COL23A1: variants seen among roughly 807,000 people sequenced by gnomAD.
COL23A1 encodes the protein collagen type XXIII alpha 1 chain.
COL23A1 carries 97 observed loss-of-function variants against 99.3 expected under a neutral mutation model. The observed-to-expected ratio is 0.98, with a 90% CI of 0.83 to 1.16. The LOEUF is 1.16. Among genes scored for constraint, COL23A1 ranks in the 50% most tolerant of loss-of-function variants. COL23A1 has a pLI of 0.00. For missense variants in COL23A1, 762 were observed against 757.4 expected, an observed-to-expected ratio of 1.01 and a Z score of -0.07; for synonymous variants, 320 against 308.2, an observed-to-expected ratio of 1.04 and a Z score of -0.40.
intron 2 of COL23A1, among the ~76,000 whole-genome samples, chr5:178,558,513 C>A (rs1762396209): frequency 6.6e-6 from 1 of 152,112 alleles, no homozygotes; most frequent in Admixed American, 6.5e-5. Flanking sequence ...ATATTAATAG[C>A]CAAAACCAAA....
In COL23A1 at chr5:178,513,267, T is replaced by C. The variant is rs568418296; in HGVS notation, c.361+47415A>G. Among the ~76,000 whole-genome samples the C allele has an allele frequency of 2.8e-4, 42 of 152,308 alleles. No homozygotes were observed. In the South Asian group the frequency reaches 4.8e-3, roughly 17 times the overall value. On this transcript the variant is annotated intron_variant, in intron 2 of 28. Coordinates refer to ENST00000390654, the MANE Select transcript of COL23A1 (RefSeq NM_173465.4). ...CACTACCATGCACTGTGCCGAGTGC[T>C]GCCCCTTCTTAACTCACTTACATCC...
At chr5:178,291,190 G>C (rs1441815398) in intron 3 of COL23A1, among the ~76,000 whole-genome samples, 1 of 152,188 alleles carries the variant, frequency 6.6e-6, no homozygotes, top group Non-Finnish European at 1.5e-5. Flanking sequence ...TGCCAAACCA[G>C]ACCCCGAACC....
At position 178,509,244 on chromosome 5, in the gene COL23A1, C is replaced by T. The variant is rs551853674; in HGVS notation, c.361+51438G>A. ...TCTTTTTTTTTTGTTTTTCTCGAGA[C>T]AGAGTCTCACTCTGTTGCCCAGGCT... On this transcript the variant is annotated intron_variant, in intron 2 of 28. Coordinates refer to ENST00000390654, the MANE Select transcript of COL23A1 (RefSeq NM_173465.4). 2.4e-3 allele frequency among the ~76,000 whole-genome samples: 339 copies of T among 142,028 alleles called. 3 individuals carry two copies. Among genetic ancestry groups the T allele is most frequent in the Admixed American group, 0.022 (295 of 13,644 alleles). 93.2% of individuals were successfully genotyped at this position (142,028 alleles called of 152,430 possible).
chr5:178,538,143 G>C lies in COL23A1; in HGVS notation c.361+22539C>G, dbSNP rs188933033. On this transcript the variant is annotated intron_variant, in intron 2 of 28. Transcript: ENST00000390654. ...GCTCATCATCATCCTGAGCACAGAG[G>C]AGCTGAAGGGGAGATGTTCCTCCCT... Among the ~76,000 whole-genome samples the C allele has an allele frequency of 1.1e-3, 170 of 152,296 alleles. 1 individual carries two copies. Among genetic ancestry groups the C allele is most frequent in the African/African-American group, 3.9e-3 (164 of 41,550 alleles).
At chr5:178,450,361 T>C (rs1268787788) in intron 2 of COL23A1, among the ~76,000 whole-genome samples, 1 of 152,190 alleles carries the variant, frequency 6.6e-6, no homozygotes, top group Non-Finnish European at 1.5e-5. Context: ...AGCTTCCTTC[T>C]CGGGCTCACT....
chr5:178,300,765 T>C (rs924237513), intron 3 of COL23A1, among the ~76,000 whole-genome samples: 1 of 151,994 alleles, frequency 6.6e-6, no homozygotes, highest in Non-Finnish European at 1.5e-5. Flanking sequence ...GATTTCACCA[T>C]GTTGGCCAGG....
intron 1 of COL23A1, among the ~76,000 whole-genome samples, chr5:178,561,000 A>C (rs1422571115): frequency 6.6e-6 from 1 of 152,190 alleles, no homozygotes; most frequent in East Asian, 1.9e-4. Flanking sequence ...TTGTTACAGC[A>C]TTTTCAAATA....
chr5:178,498,228 AT>A (rs1562025464), intron 2 of COL23A1, among the ~76,000 whole-genome samples: 914 of 57,272 alleles, frequency 0.016, 100 homozygotes, highest in African/African-American at 0.08. Flanking sequence ...ATATATATAT[AT>A]ATATATATAT....
chr5:178,374,028 G>A (rs942966017), intron 2 of COL23A1, among the ~76,000 whole-genome samples: 5 of 152,140 alleles, frequency 3.3e-5, no homozygotes, highest in African/African-American at 4.8e-5. Context: ...ATTTGGACGC[G>A]TTCTCACAGG....
chr5:178,360,204 G>T (rs1036668766), intron 2 of COL23A1, among the ~76,000 whole-genome samples: 2 of 152,186 alleles, frequency 1.3e-5, no homozygotes, highest in Non-Finnish European at 2.9e-5. Context: ...AGATTTCTCG[G>T]TTGGCCCCAA....
intron 2 of COL23A1, among the ~76,000 whole-genome samples, chr5:178,319,504 T>C (rs914674486): frequency 2.6e-5 from 4 of 152,210 alleles, no homozygotes; most frequent in South Asian, 4.1e-4. Context: ...TCAGAGGTTC[T>C]AGGTGGGCAG....
chr5:178,258,644 C>T (rs1268940295), intron 12 of COL23A1, among the ~76,000 whole-genome samples: 1 of 151,962 alleles, frequency 6.6e-6, no homozygotes, highest in Non-Finnish European at 1.5e-5. Flanking sequence ...ATCAGCCTGC[C>T]TCGGCCTCCC....
chr5:178,416,363 T>A (rs911362420), intron 2 of COL23A1, among the ~76,000 whole-genome samples: 1 of 152,186 alleles, frequency 6.6e-6, no homozygotes, highest in Non-Finnish European at 1.5e-5. Context: ...CGGGCCTCCA[T>A]CGTGGCTGAC....
intron 16 of COL23A1, 57 bp from the exon 17 acceptor site, chr5:178,252,654 T>A: frequency 6.9e-7 from 1 of 1,443,430 alleles, no homozygotes; most frequent in Admixed American, 2.0e-5. Flanking sequence ...CTCCCTTCGC[T>A]ACCCATCCAG....
intron 1 of COL23A1, among the ~76,000 whole-genome samples, chr5:178,586,075 G>A: frequency 6.6e-6 from 1 of 152,174 alleles, no homozygotes; most frequent in East Asian, 1.9e-4. Context: ...AGCTGCAGCA[G>A]CCACCTTGTG....
intron 2 of COL23A1, among the ~76,000 whole-genome samples, chr5:178,527,753 C>A (rs992491146): frequency 6.6e-6 from 1 of 152,226 alleles, no homozygotes; most frequent in Non-Finnish European, 1.5e-5. Context: ...GACGCCCCTG[C>A]CCACGCCCCT....
chr5:178,562,622 T>TA (rs1762637593), intron 1 of COL23A1: 1 of 150,936 alleles, frequency 6.6e-6, no homozygotes, highest in Admixed American at 6.6e-5. Flanking sequence ...TTACAGCTCT[T>TA]AAAGATGACA....
chr5:178,452,345 C>T (rs1767536876), intron 2 of COL23A1, among the ~76,000 whole-genome samples: 1 of 152,180 alleles, frequency 6.6e-6, no homozygotes, highest in Admixed American at 6.5e-5. Flanking sequence ...TTTACACGGA[C>T]ATATTCCAAG....
chr5:178,437,880 G>A (rs1472034459), intron 2 of COL23A1, among the ~76,000 whole-genome samples: 1 of 152,200 alleles, frequency 6.6e-6, no homozygotes, highest in Non-Finnish European at 1.5e-5. Flanking sequence ...CTGGGGGGAG[G>A]TGGGATGTGG....
Sources: gnomAD v4.1 joint callset for allele counts (sites outside exome capture counted in the v4.1 genomes callset) on GRCh38, gnomAD v4.1.1 for gene constraint, MANE v1.5 for transcripts, NCBI Gene and HGNC (gene_info 2026-07-23, HGNC 2026-07-21) for gene names.